CNTN4: variants seen among roughly 807,000 people sequenced by gnomAD.
CNTN4 encodes contactin 4, also known as contactin-4.
CNTN4 carries 77 observed loss-of-function variants against 122.5 expected under a neutral mutation model. The observed-to-expected ratio is 0.63, with a 90% confidence interval of 0.52 to 0.76. CNTN4 has a LOEUF of 0.76. CNTN4 is among the 30% of genes least tolerant of loss of function. The pLI is 0.00. For synonymous variants in CNTN4, 512 were observed against 447.0 expected, an observed-to-expected ratio of 1.15 and a Z score of -1.83; for missense variants, 1,256 against 1,259.1, an observed-to-expected ratio of 1.00 and a Z score of 0.04.
At position 2,385,352 on chromosome 3, in the gene CNTN4, C is replaced by G. The variant is rs1282636652; in HGVS notation, c.-89+46119C>G. On this transcript the variant is annotated intron_variant, in intron 3 of 24. Coordinates refer to ENST00000418658, the MANE Select transcript of CNTN4 (RefSeq NM_175607.3). The surrounding 1 kb of genome is among the most constrained non-coding windows in gnomAD (Gnocchi z 4.0). ...TTTTGTTTATATTACTCTTGTTGCA[C>G]TGAATAACCTATTAGCATACTTAAG... is the stretch of plus-strand genomic sequence containing the variant. Among the ~76,000 whole-genome samples, 1 of 152,066 alleles carries G rather than the reference C, an allele frequency of 6.6e-6. No individual in the cohort carries two copies. The highest frequency in any genetic ancestry group is 2.1e-4 in the South Asian group (1 of 4,824).
intron 2 of CNTN4, among the ~76,000 whole-genome samples, chr3:2,186,004 A>G (rs146436382): frequency 0.024 from 3,605 of 152,184 alleles, 129 homozygotes; most frequent in African/African-American, 0.082. Flanking sequence ...ATATGTATAC[A>G]TGAGCCATGT....
chr3:2,435,378 C>T (rs2048223863), intron 3 of CNTN4, among the ~76,000 whole-genome samples: 1 of 152,052 alleles, frequency 6.6e-6, no homozygotes, highest in Non-Finnish European at 1.5e-5. Flanking sequence ...ATACCTAATA[C>T]AGTGTAATTC....
At chr3:2,536,672 C>T (rs2077820927) in intron 3 of CNTN4, among the ~76,000 whole-genome samples, 7 of 151,404 alleles carry the variant, frequency 4.6e-5, no homozygotes, top group Non-Finnish European at 8.8e-5. Flanking sequence ...CATCCTCCTG[C>T]TTTGGCCTCC....
chr3:2,571,655 C>A, intron 4 of CNTN4, 97 bp downstream of exon 4: 2 of 875,756 alleles, frequency 2.3e-6, no homozygotes, highest in South Asian at 2.7e-5. Context: ...ATGATAAAAT[C>A]GCAAGAGTAT....
intron 4 of CNTN4, among the ~76,000 whole-genome samples, chr3:2,658,699 C>T (rs1431930031): frequency 6.6e-6 from 1 of 152,042 alleles, no homozygotes; most frequent in African/African-American, 2.4e-5. Flanking sequence ...AATATTAGCT[C>T]ATAATCTGGG....
intron 2 of CNTN4, among the ~76,000 whole-genome samples, chr3:2,173,291 G>C (rs2036596148): frequency 6.6e-6 from 1 of 152,138 alleles, no homozygotes; most frequent in African/African-American, 2.4e-5. Context: ...TTGCTAATTA[G>C]GGATGGTACT....
intron 4 of CNTN4, among the ~76,000 whole-genome samples, chr3:2,581,716 A>G (rs1355913924): frequency 1.3e-5 from 2 of 152,216 alleles, no homozygotes; most frequent in Non-Finnish European, 2.9e-5. Context: ...TCATAACAGT[A>G]TTATTCATAA....
intron 3 of CNTN4, among the ~76,000 whole-genome samples, chr3:2,348,542 T>G (rs2044490424): frequency 1.3e-5 from 2 of 152,174 alleles, no homozygotes; most frequent in Non-Finnish European, 2.9e-5. Flanking sequence ...AGTCTTCAGT[T>G]CCTCTGTTCC....
intron 23 of CNTN4, among the ~76,000 whole-genome samples, chr3:3,045,912 C>T (rs1574922229): frequency 6.6e-6 from 1 of 152,058 alleles, no homozygotes; most frequent in South Asian, 2.1e-4. Flanking sequence ...ACTAGACTAA[C>T]CAATGTAGAG....
chr3:2,354,480 C>T (rs1190399036), intron 3 of CNTN4, among the ~76,000 whole-genome samples: 2 of 152,106 alleles, frequency 1.3e-5, no homozygotes, highest in African/African-American at 4.8e-5. Context: ...ACCGTGAGCC[C>T]AGATCGCACC....
chr3:2,927,784 T>C (rs1344167465), intron 13 of CNTN4, among the ~76,000 whole-genome samples: 1 of 152,208 alleles, frequency 6.6e-6, no homozygotes, highest in Non-Finnish European at 1.5e-5. Flanking sequence ...TATTTTGCAC[T>C]AAAATATATA....
At position 3,042,321 on chromosome 3, in the gene CNTN4, C is replaced by T. The variant is rs1700238577; in HGVS notation, c.2410C>T (p.Pro804Ser). Residue 804 changes from proline to serine, a missense_variant, in exon 21 of 25, where the codon CCA (proline) becomes TCA (serine). Coordinates refer to ENST00000418658, the MANE Select transcript of CNTN4 (RefSeq NM_175607.3). Reference sequence around the variant, plus strand: ...ATATTCATCTACAGAACCCACCAAACCACCAGCCAGTATCTTTGCCAGAAG... The same window carrying T: ...ATATTCATCTACAGAACCCACCAAATCACCAGCCAGTATCTTTGCCAGAAG... ...VYSAEEEPTK[P>S]PASIFARSLS... 1 of 1,613,838 alleles carries T rather than the reference C, an allele frequency of 6.2e-7. No individual in the cohort carries two copies. Among genetic ancestry groups the T allele is most frequent in the Admixed American group, 1.7e-5 (1 of 60,002 alleles).
chr3:2,889,160 A>C (rs533144914), intron 10 of CNTN4, among the ~76,000 whole-genome samples: 1 of 152,302 alleles, frequency 6.6e-6, no homozygotes, highest in African/African-American at 2.4e-5. Flanking sequence ...TTCCACTATG[A>C]GCCAGCCTTC....
chr3:2,536,635 G>C (rs2077819791), intron 3 of CNTN4, among the ~76,000 whole-genome samples: 1 of 149,750 alleles, frequency 6.7e-6, no homozygotes, highest in Non-Finnish European at 1.5e-5. Context: ...TATTTCCTAG[G>C]CTGGTCTTGA....
chr3:2,615,879 C>T (rs537534242), intron 4 of CNTN4, among the ~76,000 whole-genome samples: 1 of 152,182 alleles, frequency 6.6e-6, no homozygotes, highest in East Asian at 1.9e-4. Flanking sequence ...CTACAGCTAC[C>T]ATCAAAAACA....
At chr3:2,120,385 ATATATATATATATATATATAT>A (rs2033666076) in intron 2 of CNTN4, among the ~76,000 whole-genome samples, 1 of 25,150 alleles carries the variant, frequency 4.0e-5, no homozygotes, top group Non-Finnish European at 9.3e-5. Flanking sequence ...ATATATATAT[ATATATATATATATATATATAT>A]TTTTTTTTTT....
chr3:2,803,278 A>G (rs1272102287), intron 6 of CNTN4, among the ~76,000 whole-genome samples: 1 of 152,208 alleles, frequency 6.6e-6, no homozygotes, highest in Non-Finnish European at 1.5e-5. Context: ...AATAGTAAGT[A>G]TTGTTGAGGA....
chr3:2,226,727 A>G (rs1254271825), intron 2 of CNTN4, among the ~76,000 whole-genome samples: 1 of 152,170 alleles, frequency 6.6e-6, no homozygotes, highest in Non-Finnish European at 1.5e-5. Flanking sequence ...ACTGAGATTT[A>G]AAAAGAGCCA....
At chr3:2,861,706 G>A (rs1323220230) in intron 7 of CNTN4, among the ~76,000 whole-genome samples, 3 of 151,434 alleles carry the variant, frequency 2.0e-5, no homozygotes, top group East Asian at 1.9e-4. Flanking sequence ...ATAAATAAGA[G>A]TGTGTGTGTG....
Sources: gnomAD v4.1 joint callset for allele counts (sites outside exome capture counted in the v4.1 genomes callset) on GRCh38, gnomAD v4.1.1 for gene constraint, Gnocchi (gnomAD v3.1) non-coding constraint, MANE v1.5 for transcripts, NCBI Gene and HGNC (gene_info 2026-07-23, HGNC 2026-07-21) for gene names.